Variants in SOX5 observed in about 807,000 individuals in gnomAD.
SOX5 encodes SRY-box transcription factor 5.
In SOX5, 9 loss-of-function variants were observed where a neutral mutation model predicts 92.0. The observed-to-expected ratio is 0.10, with a 90% confidence interval of 0.06 to 0.17. The LOEUF is 0.17. Ranked by LOEUF, SOX5 falls within the 10% of genes least tolerant of loss-of-function variation. The pLI, the probability that SOX5 is intolerant of heterozygous loss-of-function variation, is 1.00. For synonymous variants in SOX5, 344 were observed against 336.3 expected (o/e 1.02, Z -0.25); for missense variants, 642 against 944.5 (o/e 0.68, Z 4.20).
Position 23,740,981 on chromosome 12 carries a change from C to T in SOX5, c.627G>A (p.Leu209=). 6.2e-7 allele frequency: 1 copy of T among 1,612,564 alleles called. No homozygotes were observed. Among genetic ancestry groups the T allele is most frequent in the South Asian group, 1.1e-5 (1 of 90,950 alleles). Reference sequence around the variant, plus strand: ...CCAACAGCTGCTCTCGGAGGCTGGTCAGCTGGTTGATCATACCCATGAGTT... The same window carrying T: ...CCAACAGCTGCTCTCGGAGGCTGGTTAGCTGGTTGATCATACCCATGAGTT... The part of the protein sequence containing the change: ...ERQLMGMINQ[L]TSLREQLLAA... The change falls in exon 5 of 15, where the codon CTG becomes CTA. Residue 209 remains leucine (L), a synonymous_variant. Coordinates refer to ENST00000451604, the MANE Select transcript of SOX5 (RefSeq NM_006940.6).
At chr12:23,949,751 TC>T, upstream of SOX5, 1 of 786,830 alleles carries the variant, frequency 1.3e-6, no homozygotes, top group African/African-American at 3.1e-5. Flanking sequence ...TCTCTCTCTC[TC>T]CCTCTCTCTC....
intron 1 of SOX5, among the ~76,000 whole-genome samples, chr12:24,549,405 G>A (rs1362990983): frequency 6.6e-6 from 1 of 152,184 alleles, no homozygotes; most frequent in African/African-American, 2.4e-5. Flanking sequence ...ATTGATTACT[G>A]AATGAATGAA....
chr12:24,337,292 A>C (rs1330078574), intron 2 of SOX5, among the ~76,000 whole-genome samples: 1 of 152,096 alleles, frequency 6.6e-6, no homozygotes, highest in African/African-American at 2.4e-5. Context: ...ATGTATCATT[A>C]ACATCATAAT....
At chr12:23,959,220 G>C (rs1946618532) in intron 4 of SOX5, among the ~76,000 whole-genome samples, 1 of 151,364 alleles carries the variant, frequency 6.6e-6, no homozygotes, top group South Asian at 2.1e-4. Flanking sequence ...TTTTGCAAAA[G>C]AAAAAGAATG....
intron 4 of SOX5, among the ~76,000 whole-genome samples, chr12:24,182,331 T>C (rs1452905987): frequency 6.6e-6 from 1 of 152,176 alleles, no homozygotes; most frequent in East Asian, 1.9e-4. Context: ...TTGGGCTTAA[T>C]TTAATAACTT....
intron 1 of SOX5, among the ~76,000 whole-genome samples, chr12:24,454,331 T>G (rs1360367380): frequency 6.6e-6 from 1 of 152,188 alleles, no homozygotes; most frequent in Non-Finnish European, 1.5e-5. Flanking sequence ...TAAAACAGGT[T>G]AAACTACTGG....
intron 4 of SOX5, among the ~76,000 whole-genome samples, chr12:23,970,826 T>TATATATATATATATATATATATATATA (rs1392995616): frequency 2.3e-4 from 6 of 25,780 alleles, no homozygotes; most frequent in East Asian, 1.6e-3. Context: ...ACATGGGACT[T>TATATATATATATATATATATATATATA]TATATATATA....
chr12:23,971,810 A>G (rs1176917811), intron 4 of SOX5, among the ~76,000 whole-genome samples: 1 of 152,156 alleles, frequency 6.6e-6, no homozygotes, highest in Non-Finnish European at 1.5e-5. Context: ...GAAAAGCAAC[A>G]GAGTTTGAAA....
intron 4 of SOX5, among the ~76,000 whole-genome samples, chr12:24,144,002 A>G (rs1950838134): frequency 6.6e-6 from 1 of 152,176 alleles, no homozygotes; most frequent in South Asian, 2.1e-4. Context: ...CCAAGCACAT[A>G]AAATGAAGAA....
At chr12:24,143,874 GAGGAGGAGGAA>G (rs1565524014) in intron 4 of SOX5, among the ~76,000 whole-genome samples, 1 of 150,730 alleles carries the variant, frequency 6.6e-6, no homozygotes, top group African/African-American at 2.4e-5. Context: ...GGAGAAGGAG[GAGGAGGAGGAA>G]AGGAGGAGGA....
rs1938823351 is a variant in SOX5, at chr12:23,530,799, G to GTGTGTGTGTGTGTGTGTGTGTGTGTA, written c.*3419_*3420insTACACACACACACACACACACACACA. 4.9e-5 allele frequency: 1 copy of GTGTGTGTGTGTGTGTGTGTGTGTGTA among 20,430 alleles called. No individual in the cohort carries two copies. Among genetic ancestry groups the GTGTGTGTGTGTGTGTGTGTGTGTGTA allele is most frequent in the African/African-American group, 7.8e-5 (1 of 12,788 alleles). The allele number at this position is 20,430 out of a possible 1,614,324, so 1.3% of individuals were successfully genotyped here. A position where few individuals can be genotyped will look rare whatever the true frequency, so the allele number is the denominator to read the frequency against. ...AGATTATTTCTCAGTGTTGGGGCAA[G>GTGTGTGTGTGTGTGTGTGTGTGTGTA]TGTGTGTGTGTGTGTGTGTGCGCGC... On this transcript the variant is annotated 3_prime_UTR_variant, in exon 15 of 15. Transcript: ENST00000451604.
intron 3 of SOX5, among the ~76,000 whole-genome samples, chr12:23,784,781 G>GA (rs1043856480): frequency 2.0e-5 from 3 of 151,994 alleles, no homozygotes; most frequent in Admixed American, 6.6e-5. Flanking sequence ...CATGGCATCA[G>GA]AAAAAAAATC....
At chr12:24,178,061 C>A (rs1214143454) in intron 4 of SOX5, among the ~76,000 whole-genome samples, 1 of 152,146 alleles carries the variant, frequency 6.6e-6, no homozygotes, top group Non-Finnish European at 1.5e-5. Context: ...ACTGAAAACA[C>A]TTGAAAATTC....
At chr12:23,921,838 C>A (rs1001063119) in intron 1 of SOX5, among the ~76,000 whole-genome samples, 35 of 152,314 alleles carry the variant, frequency 2.3e-4, no homozygotes, top group Non-Finnish European at 1.9e-4. Flanking sequence ...GGCAAGGCAG[C>A]AAAGCCACTA....
intron 2 of SOX5, among the ~76,000 whole-genome samples, chr12:24,281,374 T>A (rs1453399580): frequency 1.3e-5 from 2 of 152,012 alleles, no homozygotes; most frequent in Non-Finnish European, 2.9e-5. Context: ...CCAGCCCCAA[T>A]CTGCATTTTC....
chr12:24,217,102 A>C (rs1821413137), intron 3 of SOX5, among the ~76,000 whole-genome samples: 1 of 152,212 alleles, frequency 6.6e-6, no homozygotes. Flanking sequence ...AATCCTTTAT[A>C]ATAAAATGGC....
chr12:23,989,498 T>C (rs905317517), intron 4 of SOX5, among the ~76,000 whole-genome samples: 1 of 151,982 alleles, frequency 6.6e-6, no homozygotes, highest in Non-Finnish European at 1.5e-5. Flanking sequence ...AAAAGGAACA[T>C]GGAAAGTATC....
At chr12:23,817,199 AG>A (rs1163205480) in intron 3 of SOX5, among the ~76,000 whole-genome samples, 2 of 152,214 alleles carry the variant, frequency 1.3e-5, no homozygotes, top group Non-Finnish European at 2.9e-5. Flanking sequence ...AAATTTACAA[AG>A]CTAAGTGTAT....
chr12:23,769,874 T>A (rs1300436415), intron 3 of SOX5, among the ~76,000 whole-genome samples: 1 of 152,158 alleles, frequency 6.6e-6, no homozygotes, highest in Admixed American at 6.6e-5. Flanking sequence ...CCTAAATACA[T>A]TAAGCTTGAT....
Sources: allele counts gnomAD v4.1 joint callset (sites outside exome capture counted in the v4.1 genomes callset), GRCh38; gene constraint gnomAD v4.1.1; transcripts MANE v1.5; gene names NCBI Gene and HGNC (gene_info 2026-07-23, HGNC 2026-07-21).